Variants in PLOD2 observed in about 807,000 individuals in gnomAD.
PLOD2 encodes the protein lysine hydroxylase 2.
Under a neutral mutation model 101.0 loss-of-function variants are expected in PLOD2, and 65 were observed. That is an observed-to-expected ratio of 0.64 (90% CI 0.53 to 0.79). The LOEUF is 0.79. Ranked by LOEUF, PLOD2 falls within the 30% of genes least tolerant of loss-of-function variation. PLOD2 has a pLI of 0.00. For synonymous variants in PLOD2, 314 were observed against 302.9 expected (o/e 1.04, Z -0.38); for missense variants, 909 against 914.6 (o/e 0.99, Z 0.08).
intron 19 of PLOD2, 50 bp downstream of exon 19, chr3:146,070,992 T>C: frequency 6.5e-7 from 1 of 1,549,012 alleles, no homozygotes; most frequent in Non-Finnish European, 8.9e-7. Context: ...GTCCTTTTCA[T>C]AATGATATAT....
chr3:146,112,157 C>T (rs71300379), intron 3 of PLOD2, among the ~76,000 whole-genome samples: 4,186 of 152,212 alleles, frequency 0.028, 105 homozygotes, highest in South Asian at 0.039. Context: ...GGTATAAACC[C>T]AAACAATTAC....
chr3:146,088,815 C>A, intron 8 of PLOD2, 104 bp from the exon 9 acceptor site: 1 of 986,548 alleles, frequency 1.0e-6, no homozygotes, highest in South Asian at 1.4e-5. Context: ...ACTAGAATAT[C>A]AATTCAACAT....
At chr3:146,115,469 T>A (rs1576606181) in intron 3 of PLOD2, among the ~76,000 whole-genome samples, 1 of 152,114 alleles carries the variant, frequency 6.6e-6, no homozygotes. Flanking sequence ...GTCACCTAGG[T>A]TGAAAATCTT....
chr3:146,091,045 TA>T (rs1345534331), intron 8 of PLOD2, among the ~76,000 whole-genome samples: 1 of 151,846 alleles, frequency 6.6e-6, no homozygotes. Context: ...CAAAGATACA[TA>T]AAAATGTTTT....
intron 13 of PLOD2, 50 bp from the exon 14 acceptor site, chr3:146,077,974 C>G (rs200929480): frequency 1.0e-6 from 1 of 977,690 alleles, no homozygotes; most frequent in East Asian, 2.4e-5. Flanking sequence ...CCCGCTCTCT[C>G]AGGTATTCTT....
Position 146,160,885 on chromosome 3 carries a change from G to A in PLOD2, c.105C>T (p.Pro35=). The A allele has an allele frequency of 6.4e-7, 1 of 1,565,368 alleles. No homozygotes were observed. Among genetic ancestry groups the A allele is most frequent in the Non-Finnish European group, 8.7e-7 (1 of 1,151,816 alleles). Residue 35 remains proline (P), a synonymous_variant, in exon 1 of 20, where the codon CCC becomes CCT. Coordinates refer to ENST00000282903, the MANE Select transcript of PLOD2 (RefSeq NM_182943.3). ...GGCGGACCGCGGGGTGCTCACCTGT[G>A]GGGATGCTCGAGGGCTTCTCCGAGT... is the stretch of plus-strand genomic sequence containing the variant. ...GADSEKPSSI[P]TDKLLVITVA...
intron 1 of PLOD2, among the ~76,000 whole-genome samples, chr3:146,126,301 C>G (rs192973492): frequency 3.7e-4 from 56 of 152,156 alleles, no homozygotes; most frequent in African/African-American, 1.3e-3. Flanking sequence ...GCTGTTTCCT[C>G]TAAGTTGCTA....
intron 7 of PLOD2, among the ~76,000 whole-genome samples, chr3:146,094,905 G>A (rs1576588089): frequency 1.3e-5 from 2 of 152,128 alleles, no homozygotes; most frequent in Admixed American, 1.3e-4. Flanking sequence ...AGAGGCCTCA[G>A]AAATAACACC....
At chr3:146,115,851 G>A (rs1181412873) in intron 3 of PLOD2, among the ~76,000 whole-genome samples, 1 of 152,098 alleles carries the variant, frequency 6.6e-6, no homozygotes, top group African/African-American at 2.4e-5. Flanking sequence ...TCACTGTGTT[G>A]CAAAAGCCAC....
At position 146,086,915 on chromosome 3, in the gene PLOD2, C is replaced by T. The variant is rs1936797802; in HGVS notation, c.1006-7G>A. On this transcript the variant is annotated splice_region_variant and splice_polypyrimidine_tract_variant and intron_variant, in intron 9 of 19. Coordinates refer to ENST00000282903, the MANE Select transcript of PLOD2 (RefSeq NM_182943.3). The stretch of plus-strand genomic sequence containing the variant: ...CCTTTTCATGATAAACTTCCTGTAA[C>T]ATATTTTAAAAATCAAAAATTAGAG... 2 of 1,478,024 alleles carry T rather than the reference C, an allele frequency of 1.4e-6. No individual in the cohort carries two copies. Among genetic ancestry groups the T allele is most frequent in the East Asian group, 4.6e-5 (2 of 43,256 alleles). 91.6% of individuals were successfully genotyped at this position (1,478,024 alleles called of 1,614,324 possible).
At chr3:146,098,580 G>A (rs1937282110) in intron 7 of PLOD2, among the ~76,000 whole-genome samples, 1 of 151,994 alleles carries the variant, frequency 6.6e-6, no homozygotes. Flanking sequence ...ATATGGGAGG[G>A]CAGTATAAAT....
intron 1 of PLOD2, among the ~76,000 whole-genome samples, chr3:146,159,053 C>T (rs1014568496): frequency 6.6e-6 from 1 of 152,218 alleles, no homozygotes; most frequent in African/African-American, 2.4e-5. Context: ...TTTACCTCTA[C>T]ATTTATTAGT....
chr3:146,097,795 T>TTA (rs1553733424), intron 7 of PLOD2, among the ~76,000 whole-genome samples: 1 of 127,096 alleles, frequency 7.9e-6, no homozygotes, highest in Non-Finnish European at 1.6e-5. Flanking sequence ...GAATGATCAA[T>TTA]AAAAAAAAAA....
intron 17 of PLOD2, among the ~76,000 whole-genome samples, chr3:146,072,157 C>T (rs1429044219): frequency 6.6e-6 from 1 of 151,694 alleles, no homozygotes; most frequent in African/African-American, 2.4e-5. Context: ...TATCTTTACA[C>T]ACAAAAACAG....
intron 5 of PLOD2, among the ~76,000 whole-genome samples, chr3:146,106,271 G>A (rs1318463198): frequency 6.6e-6 from 1 of 152,130 alleles, no homozygotes; most frequent in Admixed American, 6.6e-5. Context: ...CTTTCCTTCT[G>A]CCTGATCCAA....
At chr3:146,100,325 T>C (rs898273038) in intron 7 of PLOD2, among the ~76,000 whole-genome samples, 7 of 152,200 alleles carry the variant, frequency 4.6e-5, no homozygotes, top group Admixed American at 1.3e-4. Context: ...ACACATGTGC[T>C]GGACCCTGGG....
chr3:146,084,195 C>G (rs541043741), intron 11 of PLOD2, among the ~76,000 whole-genome samples: 1 of 152,122 alleles, frequency 6.6e-6, no homozygotes, highest in South Asian at 2.1e-4. Flanking sequence ...GCCAAATGAT[C>G]AAAACCTCAT....
chr3:146,123,383 T>A, intron 2 of PLOD2: 1 of 482,530 alleles, frequency 2.1e-6, no homozygotes, highest in Non-Finnish European at 3.0e-6. Flanking sequence ...CTGAGTTTAA[T>A]AGTTCTATCA....
intron 3 of PLOD2, among the ~76,000 whole-genome samples, 175 bp from the exon 4 acceptor site, chr3:146,110,623 A>T (rs1441706157): frequency 2.6e-5 from 4 of 152,196 alleles, no homozygotes; most frequent in Admixed American, 6.5e-5. Flanking sequence ...AATTATATGA[A>T]TTGTATTGAA....
Sources: gnomAD v4.1 joint callset for allele counts (sites outside exome capture counted in the v4.1 genomes callset) on GRCh38, gnomAD v4.1.1 for gene constraint, MANE v1.5 for transcripts, NCBI Gene and HGNC (gene_info 2026-07-23, HGNC 2026-07-21) for gene names.